Variants in NRCAM observed in about 807,000 individuals in gnomAD.
The protein encoded by NRCAM is NgCAM-related cell adhesion molecule.
NRCAM carries 83 observed loss-of-function variants against 156.5 expected under a neutral mutation model. That is an observed-to-expected ratio of 0.53 (90% CI 0.44 to 0.64). The LOEUF (loss-of-function observed/expected upper bound fraction) is 0.64, where lower values mean the gene tolerates loss of function less well. NRCAM is among the 30% of genes least tolerant of loss of function. The probability of loss-of-function intolerance (pLI) is 0.00; values close to 1 mark genes in which losing one functional copy is unlikely to be tolerated. For synonymous variants in NRCAM, 538 were observed against 563.9 expected, an observed-to-expected ratio of 0.95 and a Z score of 0.65; for missense variants, 1,417 against 1,597.3, an observed-to-expected ratio of 0.89 and a Z score of 1.92.
At chr7:108,371,817 A>G (rs1409169455) in intron 2 of NRCAM, among the ~76,000 whole-genome samples, 1 of 152,160 alleles carries the variant, frequency 6.6e-6, no homozygotes, top group Non-Finnish European at 1.5e-5. Flanking sequence ...TACAGATTCA[A>G]TACAATGCTT....
intron 25 of NRCAM, 78 bp from the exon 26 acceptor site, chr7:108,178,190 C>T (rs1260299523): frequency 2.2e-5 from 33 of 1,476,570 alleles, no homozygotes; most frequent in South Asian, 2.5e-5. Flanking sequence ...TCACCGTGCT[C>T]GCACGATTCA....
rs147053418 is a variant in NRCAM at position 108,159,603 on chromosome 7, T to A, written c.3599-62A>T. 3.1e-6 allele frequency: 4 copies of A among 1,289,134 alleles called. No individual in the cohort carries two copies. The East Asian group carries it at 9.2e-5, about 30-fold the overall frequency. The allele number at this position is 1,289,134 out of a possible 1,614,324, so 79.9% of individuals were successfully genotyped here. A position where few individuals can be genotyped will look rare whatever the true frequency, so the allele number is the denominator to read the frequency against. On this transcript the variant is annotated intron_variant, in intron 31 of 32. Coordinates refer to ENST00000379028, the MANE Select transcript of NRCAM (RefSeq NM_001037132.4). Reference sequence around the variant, plus strand: ...CCTGTTCTTTCTTATTCAAAGTCCATGAAAGCATTCTTTGAGATATACAGC... The same window carrying A: ...CCTGTTCTTTCTTATTCAAAGTCCAAGAAAGCATTCTTTGAGATATACAGC...
At chr7:108,367,874 T>C (rs943249711) in intron 2 of NRCAM, among the ~76,000 whole-genome samples, 1 of 152,204 alleles carries the variant, frequency 6.6e-6, no homozygotes, top group African/African-American at 2.4e-5. Flanking sequence ...AGTTACCATA[T>C]AAAGCACACA....
rs1489999456 is a variant in NRCAM at position 108,277,494 on chromosome 7, A to G, written c.-107+35171T>C. Among the ~76,000 whole-genome samples the G allele has an allele frequency of 2.0e-5, 3 of 151,812 alleles. No homozygotes were observed. The East Asian group carries it at 5.8e-4, about 30-fold the overall frequency. Reference sequence around the variant, plus strand: ...CTTTATTTCATTAATTTGGTCTTCAATCACTGATATCCTTTCTTCTGCTTG... The same window carrying G: ...CTTTATTTCATTAATTTGGTCTTCAGTCACTGATATCCTTTCTTCTGCTTG... On this transcript the variant is annotated intron_variant, in intron 3 of 32. Transcript: ENST00000379028.
chr7:108,181,782 C>G, intron 24 of NRCAM, 40 bp downstream of exon 24: 1 of 1,386,254 alleles, frequency 7.2e-7, no homozygotes, highest in Non-Finnish European at 1.0e-6. Context: ...TCGCTGCAGC[C>G]CTTACTAAAT....
At position 108,440,062 on chromosome 7, in the gene NRCAM, G is replaced by A. The variant is rs750831013; in HGVS notation, c.-332+16181C>T. 7.9e-5 allele frequency among the ~76,000 whole-genome samples: 12 copies of A among 152,012 alleles called. No homozygotes were observed. The South Asian group carries it at 8.3e-4, about 10-fold the overall frequency. On this transcript the variant is annotated intron_variant, in intron 1 of 32. Transcript: ENST00000379028. ...CATAGGGACACATAAGGACTTGTAC[G>A]CTAATATTCATAGCAACATTATTAA...
At chr7:108,150,396 T>C (rs7792996) in intron 32 of NRCAM, among the ~76,000 whole-genome samples, 20,431 of 152,144 alleles carry the variant, frequency 0.13, 2,142 homozygotes, top group African/African-American at 0.3. Flanking sequence ...CAATGACAAA[T>C]TCTGATTCCT....
chr7:108,443,153 T>A (rs958791520), intron 1 of NRCAM, among the ~76,000 whole-genome samples: 5 of 151,412 alleles, frequency 3.3e-5, no homozygotes, highest in African/African-American at 7.3e-5. Flanking sequence ...AACAATCTCG[T>A]TGCTATTATT....
intron 1 of NRCAM, among the ~76,000 whole-genome samples, chr7:108,420,524 G>C (rs1990163): frequency 6.6e-6 from 1 of 152,126 alleles, no homozygotes; most frequent in Non-Finnish European, 1.5e-5. Flanking sequence ...CTTTACAAGG[G>C]GGGGAGTTTC....
chr7:108,343,383 G>A (rs573982317), intron 2 of NRCAM, among the ~76,000 whole-genome samples: 204 of 152,200 alleles, frequency 1.3e-3, no homozygotes, highest in Non-Finnish European at 2.4e-3. Flanking sequence ...TATTATTGGC[G>A]GTACAGAAAC....
chr7:108,298,745 C>T (rs2154141704), intron 3 of NRCAM, among the ~76,000 whole-genome samples: 2 of 151,918 alleles, frequency 1.3e-5, no homozygotes. Context: ...CTGCTTGAAT[C>T]TAAGGATTTA....
At chr7:108,236,989 GTCTGGATATACC>G (rs2095089717) in intron 5 of NRCAM, among the ~76,000 whole-genome samples, 1 of 152,156 alleles carries the variant, frequency 6.6e-6, no homozygotes, top group African/African-American at 2.4e-5. Flanking sequence ...GGAGTTTACT[GTCTGGATATACC>G]TCCTTAAACA....
At chr7:108,289,143 C>T (rs751250989) in intron 3 of NRCAM, among the ~76,000 whole-genome samples, 3 of 151,920 alleles carry the variant, frequency 2.0e-5, no homozygotes, top group Admixed American at 6.6e-5. Context: ...TCAAAGAATT[C>T]GGTATTCCAT....
chr7:108,316,043 T>C (rs2098915686), intron 2 of NRCAM, among the ~76,000 whole-genome samples: 1 of 152,244 alleles, frequency 6.6e-6, no homozygotes, highest in Admixed American at 6.5e-5. Context: ...ATGGTTTGAA[T>C]GTGCTTCACA....
At chr7:108,300,750 G>A (rs542766660) in intron 3 of NRCAM, among the ~76,000 whole-genome samples, 2 of 151,808 alleles carry the variant, frequency 1.3e-5, no homozygotes, top group South Asian at 2.1e-4. Context: ...GCTCATCTGG[G>A]GGCAGTAAAA....
At chr7:108,360,967 T>C (rs986029629) in intron 2 of NRCAM, among the ~76,000 whole-genome samples, 2 of 152,012 alleles carry the variant, frequency 1.3e-5, no homozygotes, top group African/African-American at 2.4e-5. Context: ...AAAATAACAC[T>C]CATATTGGGC....
chr7:108,231,006 G>C lies in NRCAM; in HGVS notation c.550+25C>G, dbSNP rs377509654. ...AACAATCCTAAGACTTTTAAAGAAA[G>C]AAAGTTCATATTATCAAAACTTACA... is the stretch of plus-strand genomic sequence containing the variant. On this transcript the variant is annotated intron_variant, in intron 8 of 32. Coordinates refer to ENST00000379028, the MANE Select transcript of NRCAM (RefSeq NM_001037132.4). 5 of 1,550,570 alleles carry C rather than the reference G, an allele frequency of 3.2e-6. No homozygotes were observed. In the African/African-American group the frequency reaches 6.8e-5, roughly 21 times the overall value.
rs556521427 is a variant in NRCAM, at chr7:108,222,545, G to C, written c.890+1180C>G. Among the ~76,000 whole-genome samples, 11 of 152,284 alleles carry C rather than the reference G, an allele frequency of 7.2e-5. No homozygotes were observed. In the South Asian group the frequency reaches 1.7e-3, roughly 23 times the overall value. ...CTTACACCATAACGATGGAAACTGG[G>C]AGGATTTTTTTTTCTTAATTCTAGC... On this transcript the variant is annotated intron_variant, in intron 11 of 32. Coordinates refer to ENST00000379028, the MANE Select transcript of NRCAM (RefSeq NM_001037132.4).
intron 2 of NRCAM, among the ~76,000 whole-genome samples, chr7:108,358,738 G>C (rs2099526416): frequency 6.6e-6 from 1 of 152,198 alleles, no homozygotes; most frequent in South Asian, 2.1e-4. Context: ...AGGGGAGTTT[G>C]TTTACCCTAT....
Sources: allele counts gnomAD v4.1 joint callset (sites outside exome capture counted in the v4.1 genomes callset), GRCh38; gene constraint gnomAD v4.1.1; transcripts MANE v1.5; gene names NCBI Gene and HGNC (gene_info 2026-07-23, HGNC 2026-07-21).